The following SYNJ2 variants were observed in gnomAD, a reference collection of about 807,000 sequenced individuals.
The protein encoded by SYNJ2 is synaptojanin 2, also known as polyphosphatidylinositol phosphatase SYNJ2.
In SYNJ2, 116 loss-of-function variants were observed where a neutral mutation model predicts 141.3. That is an observed-to-expected ratio of 0.82 (90% CI 0.71 to 0.96). The LOEUF (loss-of-function observed/expected upper bound fraction) is 0.96. Among genes scored for constraint, SYNJ2 ranks in the 40% least tolerant of loss-of-function variants. SYNJ2 has a pLI of 0.00. For missense variants in SYNJ2, 1,873 were observed against 1,934.8 expected (o/e 0.97, Z 0.60); for synonymous variants, 745 against 777.7 (o/e 0.96, Z 0.70).
At chr6:158,078,423 C>T (rs1013312761) in intron 18 of SYNJ2, 142 bp downstream of exon 18, 9 of 573,984 alleles carry the variant, frequency 1.6e-5, no homozygotes, top group African/African-American at 1.5e-4. Flanking sequence ...CACCAAAGAA[C>T]AAAGAATGAT....
In SYNJ2 at chr6:158,097,567, A is replaced by G. The variant is rs1412062959; in HGVS notation, c.*1203A>G. 1 of 152,250 alleles carries G rather than the reference A, an allele frequency of 6.6e-6. No individual in the cohort carries two copies. Among genetic ancestry groups the G allele is most frequent in the Non-Finnish European group, 1.5e-5 (1 of 68,052 alleles). 9.4% of individuals were successfully genotyped at this position (152,250 alleles called of 1,614,324 possible). A position where few individuals can be genotyped will look rare whatever the true frequency, so the allele number is the denominator to read the frequency against. Reference sequence around the variant, plus strand: ...GAAATCTTACTGTACCGCCTGTTGTATCTGGGAGCCTCGTACAGAGGCTCG... The same window carrying G: ...GAAATCTTACTGTACCGCCTGTTGTGTCTGGGAGCCTCGTACAGAGGCTCG... On this transcript the variant is annotated 3_prime_UTR_variant, in exon 27 of 27. Coordinates refer to ENST00000355585, the MANE Select transcript of SYNJ2 (RefSeq NM_003898.4).
In SYNJ2 at chr6:158,043,769, A is replaced by T. The variant is rs1278230889; in HGVS notation, c.795+370A>T. On this transcript the variant is annotated intron_variant, in intron 5 of 26. Transcript: ENST00000355585. The surrounding 1 kb of genome is among the most constrained non-coding windows in gnomAD (Gnocchi z 4.0). The stretch of plus-strand genomic sequence containing the variant: ...ACTGAGGACGTTTCTGAGAGCCGTG[A>T]CTCTCATGGAGGGCTTCAGGAAGGC... 6.6e-6 allele frequency among the ~76,000 whole-genome samples: 1 copy of T among 151,858 alleles called. No individual in the cohort carries two copies. Among genetic ancestry groups the T allele is most frequent in the Non-Finnish European group, 1.5e-5 (1 of 67,970 alleles).
chr6:158,050,624 G>T (rs1353700432), intron 5 of SYNJ2, among the ~76,000 whole-genome samples: 1 of 152,170 alleles, frequency 6.6e-6, no homozygotes. Context: ...TGCAGCCCCT[G>T]TCCGGGCTGT....
In SYNJ2 at chr6:158,028,596, G is replaced by T. The variant is rs547143675; in HGVS notation, c.215-160G>T. The T allele has an allele frequency of 1.6e-5, 15 of 931,844 alleles. 1 individual carries two copies. In the South Asian group the frequency reaches 2.0e-4, roughly 12 times the overall value. The allele number at this position is 931,844 out of a possible 1,614,324, so 57.7% of individuals were successfully genotyped here. Reference sequence around the variant, plus strand: ...GCCTGAAGCTTACAGGACAGGGCAGGTTCTTGAGCCATTGAGTTGGGCAAT... The same window carrying T: ...GCCTGAAGCTTACAGGACAGGGCAGTTTCTTGAGCCATTGAGTTGGGCAAT... On this transcript the variant is annotated intron_variant, in intron 2 of 26. Coordinates refer to ENST00000355585, the MANE Select transcript of SYNJ2 (RefSeq NM_003898.4).
rs1562382407 is a variant in SYNJ2 at position 158,071,737 on chromosome 6, G to A, written c.2076G>A (p.Gln692=). 1 of 1,614,032 alleles carries A rather than the reference G, an allele frequency of 6.2e-7. No individual in the cohort carries two copies. The highest frequency in any genetic ancestry group is 8.5e-7 in the Non-Finnish European group (1 of 1,180,038). ...ICSHLTAGQS[Q]VKERNEDYKE... ...GTCACCTGACGGCCGGGCAGTCCCA[G>A]GTGAAGGAGCGGAATGAAGACTACA... The change falls in exon 15 of 27, where the codon CAG becomes CAA. Residue 692 remains glutamine, a synonymous_variant. Coordinates refer to ENST00000355585, the MANE Select transcript of SYNJ2 (RefSeq NM_003898.4). The surrounding 1 kb of genome is among the most constrained non-coding windows in gnomAD (Gnocchi z 4.3).
chr6:158,092,204 T>G (rs1783508193), intron 25 of SYNJ2, among the ~76,000 whole-genome samples: 1 of 152,150 alleles, frequency 6.6e-6, no homozygotes, highest in South Asian at 2.1e-4. Flanking sequence ...ATGGCCCCAT[T>G]GAGATTTTGA....
At chr6:158,083,138 G>A (rs2128390930) in intron 20 of SYNJ2, among the ~76,000 whole-genome samples, 1 of 152,206 alleles carries the variant, frequency 6.6e-6, no homozygotes, top group South Asian at 2.1e-4. Context: ...TCACCGTGTT[G>A]GTCAGGCTGG....
chr6:158,041,455 C>T (rs540680469), intron 4 of SYNJ2, among the ~76,000 whole-genome samples: 19 of 152,310 alleles, frequency 1.2e-4, no homozygotes, highest in African/African-American at 4.6e-4. Flanking sequence ...GATGATAGGA[C>T]GGGGTGCAGA....
intron 4 of SYNJ2, among the ~76,000 whole-genome samples, chr6:158,035,845 G>A (rs1779608193): frequency 6.6e-6 from 1 of 151,978 alleles, no homozygotes. Context: ...CTTCTGCACA[G>A]CTGAAGAAAC....
chr6:158,007,257 C>T (rs985612896), intron 1 of SYNJ2, among the ~76,000 whole-genome samples: 6 of 152,250 alleles, frequency 3.9e-5, no homozygotes, highest in Non-Finnish European at 8.8e-5. Context: ...CAGGAGCCCC[C>T]ACACCCGGCC....
intron 1 of SYNJ2, among the ~76,000 whole-genome samples, chr6:157,994,971 G>A (rs1291097148): frequency 6.6e-6 from 1 of 152,162 alleles, no homozygotes; most frequent in Non-Finnish European, 1.5e-5. Context: ...TGAATCTACG[G>A]CATGGGGGCA....
chr6:158,042,226 A>G (rs1779987753), intron 4 of SYNJ2, among the ~76,000 whole-genome samples: 1 of 152,256 alleles, frequency 6.6e-6, no homozygotes, highest in Non-Finnish European at 1.5e-5. Flanking sequence ...AATACCTGGA[A>G]ACAGACAGCA....
chr6:158,048,893 C>G (rs1160816222), intron 5 of SYNJ2, among the ~76,000 whole-genome samples: 1 of 152,164 alleles, frequency 6.6e-6, no homozygotes, highest in East Asian at 1.9e-4. Flanking sequence ...ACACACTGGA[C>G]ACTGCTAAAG....
rs768996663 is a variant in SYNJ2, at chr6:158,017,334, T to G, written c.214+44T>G. ...GAGGAGCAGGCGCCAGGCTCCCCGG[T>G]GGGCAGGAGCCTCTGTGTCGGAAGG... On this transcript the variant is annotated intron_variant, in intron 2 of 26. Coordinates refer to ENST00000355585, the MANE Select transcript of SYNJ2 (RefSeq NM_003898.4). The G allele has an allele frequency of 2.5e-6, 4 of 1,569,800 alleles. No homozygotes were observed. The South Asian group carries it at 4.6e-5, about 18-fold the overall frequency.
chr6:158,074,825 A>T (rs1235525978), intron 16 of SYNJ2, 87 bp downstream of exon 16: 7 of 1,478,064 alleles, frequency 4.7e-6, no homozygotes, highest in Middle Eastern at 1.7e-4. Context: ...CAGCAAATTC[A>T]GTTCCGTGAG....
chr6:158,015,672 C>T (rs1457784673), intron 1 of SYNJ2, among the ~76,000 whole-genome samples: 1 of 152,166 alleles, frequency 6.6e-6, no homozygotes, highest in African/African-American at 2.4e-5. Context: ...CTTGAAGTAG[C>T]ATTTGTTCCC....
At chr6:158,066,722 T>C (rs1299744988) in intron 12 of SYNJ2, 87 bp downstream of exon 12, 6 of 1,476,626 alleles carry the variant, frequency 4.1e-6, no homozygotes, top group Middle Eastern at 1.9e-4. Flanking sequence ...CATCGTCTTG[T>C]GGAATTTCAT....
chr6:158,061,973 C>T lies in SYNJ2; in HGVS notation c.955-19C>T. Reference sequence around the variant, plus strand: ...CCCTTCCCTCTGCTCCCCTCACCGCCCTCCCCTCCTCTTTTCAGAAGCTGC... The same window carrying T: ...CCCTTCCCTCTGCTCCCCTCACCGCTCTCCCCTCCTCTTTTCAGAAGCTGC... On this transcript the variant is annotated intron_variant, in intron 7 of 26. Transcript: ENST00000355585. 4 of 1,611,836 alleles carry T rather than the reference C, an allele frequency of 2.5e-6. No individual in the cohort carries two copies. The South Asian group carries it at 3.3e-5, about 13-fold the overall frequency.
chr6:158,063,659 CAAAAAAAAAAAAAAA>C, intron 8 of SYNJ2, 117 bp from the exon 9 acceptor site: 3 of 187,488 alleles, frequency 1.6e-5, no homozygotes, highest in Non-Finnish European at 2.9e-5. Context: ...GACTCTGTCT[CAAAAAAAAAAAAAAA>C]AAAAAAAAAA....
Sources: allele counts gnomAD v4.1 joint callset (sites outside exome capture counted in the v4.1 genomes callset), GRCh38; gene constraint gnomAD v4.1.1; non-coding constraint Gnocchi (gnomAD v3.1); transcripts MANE v1.5; gene names NCBI Gene and HGNC (gene_info 2026-07-23, HGNC 2026-07-21).